The following DNAAF9 variants were observed in gnomAD, a reference collection of about 807,000 sequenced individuals.
DNAAF9 encodes the protein dynein axonemal assembly factor 9, also known as shulin.
A neutral mutation model predicts 167.0 loss-of-function variants in DNAAF9; 90 were observed. That is an observed-to-expected ratio of 0.54 (90% CI 0.45 to 0.64). The LOEUF (loss-of-function observed/expected upper bound fraction) is 0.64. Ranked by LOEUF, DNAAF9 falls within the 30% of genes least tolerant of loss-of-function variation. The pLI is 0.00. For missense variants in DNAAF9, 1,315 were observed against 1,442.2 expected (o/e 0.91, Z 1.43); for synonymous variants, 491 against 508.8 (o/e 0.96, Z 0.47).
intron 7 of DNAAF9, among the ~76,000 whole-genome samples, chr20:3,350,498 G>A (rs1221888527): frequency 4.6e-5 from 7 of 152,112 alleles, no homozygotes; most frequent in Non-Finnish European, 1.0e-4. Flanking sequence ...GAGAGAAAGA[G>A]ACAGAAAATA....
At chr20:3,282,403 C>A (rs576735624) in intron 27 of DNAAF9, among the ~76,000 whole-genome samples, 13 of 152,316 alleles carry the variant, frequency 8.5e-5, no homozygotes, top group Non-Finnish European at 1.2e-4. Flanking sequence ...CACCCCCAAG[C>A]TCCCACTGGG....
rs2068169608 is a variant in DNAAF9, at chr20:3,249,603, G to A, written c.*2969C>T. 1 of 152,198 alleles carries A rather than the reference G, an allele frequency of 6.6e-6. No homozygotes were observed. The allele number at this position is 152,198 out of a possible 1,614,324, so 9.4% of individuals were successfully genotyped here. On this transcript the variant is annotated 3_prime_UTR_variant, in exon 37 of 37. Transcript: ENST00000252032. ...AAAGTGAATTTTGGCACGTAAGTGA[G>A]CTCTTATGTCATTAGTATTTGACAT... is the stretch of plus-strand genomic sequence containing the variant.
At chr20:3,318,540 C>A in intron 16 of DNAAF9, 140 bp from the exon 17 acceptor site, 1 of 566,470 alleles carries the variant, frequency 1.8e-6, no homozygotes, top group Admixed American at 3.1e-5. Context: ...CTGGAGTTAT[C>A]CTAAATACAT....
rs1044594268 is a variant in DNAAF9, at chr20:3,263,062, C to G, written c.2873+1376G>C. Among the ~76,000 whole-genome samples, 12 of 150,292 alleles carry G rather than the reference C, an allele frequency of 8.0e-5. No individual in the cohort carries two copies. The Admixed American group carries it at 8.0e-4, about 10-fold the overall frequency. On this transcript the variant is annotated intron_variant, in intron 31 of 36. Transcript: ENST00000252032. ...TGATCTCAGCTCACTGCAAGCTCCA[C>G]CTCCCAGCTTCACACCATTCTCCTG...
At chr20:3,364,094 G>A (rs1001287175) in intron 6 of DNAAF9, among the ~76,000 whole-genome samples, 20 of 152,028 alleles carry the variant, frequency 1.3e-4, no homozygotes, top group African/African-American at 3.6e-4. Context: ...ATGGCACTGC[G>A]CCCAGCTTTG....
chr20:3,288,947 C>G (rs1418033391), intron 26 of DNAAF9, among the ~76,000 whole-genome samples: 2 of 151,926 alleles, frequency 1.3e-5, no homozygotes. Context: ...TTTGCTTGAC[C>G]TGCTGCTACA....
chr20:3,266,888 T>C (rs2068500529), intron 30 of DNAAF9, among the ~76,000 whole-genome samples: 2 of 150,194 alleles, frequency 1.3e-5, no homozygotes, highest in African/African-American at 4.9e-5. Context: ...GTTTCGCTCT[T>C]GTTGCCTAGG....
chr20:3,257,652 T>A (rs1048435744), intron 33 of DNAAF9, among the ~76,000 whole-genome samples: 4 of 151,350 alleles, frequency 2.6e-5, no homozygotes. Flanking sequence ...CAAGTGATTC[T>A]CCTACCTCAG....
intron 6 of DNAAF9, among the ~76,000 whole-genome samples, chr20:3,361,543 A>G (rs1466803459): frequency 6.6e-6 from 1 of 152,174 alleles, no homozygotes; most frequent in Non-Finnish European, 1.5e-5. Flanking sequence ...AATCAGCAGC[A>G]AAATGACTGT....
chr20:3,290,261 C>T (rs753319403), intron 25 of DNAAF9, 44 bp from the exon 26 acceptor site: 2 of 1,226,428 alleles, frequency 1.6e-6, no homozygotes, highest in Non-Finnish European at 1.2e-6. Flanking sequence ...AACTGCATTG[C>T]ATTATGTAAG....
chr20:3,259,830 C>T (rs1982389022), intron 32 of DNAAF9, 92 bp downstream of exon 32: 1 of 779,282 alleles, frequency 1.3e-6, no homozygotes, highest in African/African-American at 1.7e-5. Context: ...AGAAGACATA[C>T]AGCACATAGA....
At chr20:3,290,068 T>C (rs2068923401) in intron 26 of DNAAF9, 61 bp downstream of exon 26, 4 of 1,053,412 alleles carry the variant, frequency 3.8e-6, no homozygotes, top group East Asian at 2.4e-5. Flanking sequence ...GGTTTTCCAG[T>C]GCCTAGGCAG....
chr20:3,371,333 CTTTTTTTTTTTTTTT>C (rs532202424), intron 6 of DNAAF9, among the ~76,000 whole-genome samples: 1 of 84,076 alleles, frequency 1.2e-5, no homozygotes, highest in East Asian at 4.1e-4. Context: ...TGAAGAAAAT[CTTTTTTTTTTTTTTT>C]TTTTTTTTTT....
intron 27 of DNAAF9, among the ~76,000 whole-genome samples, chr20:3,286,384 C>T (rs747010644): frequency 2.9e-4 from 44 of 152,240 alleles, no homozygotes; most frequent in South Asian, 2.1e-3. Flanking sequence ...TGATGCTCTC[C>T]GAAGTGATGG....
In DNAAF9 at chr20:3,382,446, A is replaced by G. The variant is rs1378041880; in HGVS notation, c.144T>C (p.Asp48=). 3.7e-6 allele frequency: 6 copies of G among 1,613,832 alleles called. No homozygotes were observed. Among genetic ancestry groups the G allele is most frequent in the Non-Finnish European group, 5.1e-6 (6 of 1,179,750 alleles). Reference sequence around the variant, plus strand: ...ACTGACCTAGGATGCAGAGGATCCCATCCGGCCGAGACTTGCTGCTCTGGG... The same window carrying G: ...ACTGACCTAGGATGCAGAGGATCCCGTCCGGCCGAGACTTGCTGCTCTGGG... ...ILTQSSKSRP[D]GILCILGIDS... is the part of the protein sequence containing the mutation. Residue 48 remains aspartate, a synonymous_variant, in exon 2 of 37, where the codon GAT becomes GAC. Transcript: ENST00000252032.
intron 33 of DNAAF9, among the ~76,000 whole-genome samples, chr20:3,258,900 T>C (rs895395542): frequency 6.6e-6 from 1 of 152,234 alleles, no homozygotes; most frequent in African/African-American, 2.4e-5. Context: ...TTTCTGCCTC[T>C]GGATTATAGC....
chr20:3,377,747 T>C (rs1450457019), intron 3 of DNAAF9, among the ~76,000 whole-genome samples: 2 of 152,242 alleles, frequency 1.3e-5, no homozygotes, highest in South Asian at 2.1e-4. Flanking sequence ...TGTGAGCCAC[T>C]GCACCTGGCC....
At chr20:3,387,689 G>C (rs2083764587) in intron 1 of DNAAF9, among the ~76,000 whole-genome samples, 1 of 151,724 alleles carries the variant, frequency 6.6e-6, no homozygotes, top group South Asian at 2.1e-4. Context: ...ACAAGCAACA[G>C]AGTAAAAAGA....
chr20:3,407,637 T>A lies in DNAAF9; in HGVS notation c.-80A>T. 1 of 1,153,026 alleles carries A rather than the reference T, an allele frequency of 8.7e-7. No homozygotes were observed. The highest frequency in any genetic ancestry group is 1.1e-6 in the Non-Finnish European group (1 of 938,024). 71.4% of individuals were successfully genotyped at this position (1,153,026 alleles called of 1,614,324 possible). A position where few individuals can be genotyped will look rare whatever the true frequency, so the allele number is the denominator to read the frequency against. ...GCCCGCAGGGCGGCTCCACGCTAGC[T>A]GCGGCCGGGCGGGGCGGCAGGGCGT... On this transcript the variant is annotated 5_prime_UTR_variant, in exon 1 of 37. Coordinates refer to ENST00000252032, the MANE Select transcript of DNAAF9 (RefSeq NM_001009984.3).
Sources: allele counts gnomAD v4.1 joint callset (sites outside exome capture counted in the v4.1 genomes callset), GRCh38; gene constraint gnomAD v4.1.1; transcripts MANE v1.5; gene names NCBI Gene and HGNC (gene_info 2026-07-23, HGNC 2026-07-21).